The following PSD2 variants were observed in gnomAD, a reference collection of about 807,000 sequenced individuals.
The protein encoded by PSD2 is pleckstrin and Sec7 domain containing 2, also known as PH and SEC7 domain-containing protein 2.
PSD2 carries 38 observed loss-of-function variants against 69.8 expected under a neutral mutation model. That is an observed-to-expected ratio of 0.54 (90% CI 0.42 to 0.71). The LOEUF is 0.71. PSD2 is among the 30% of genes least tolerant of loss of function. The pLI, the probability that PSD2 is intolerant of heterozygous loss-of-function variation, is 0.00. For missense variants in PSD2, 943 were observed against 1,014.5 expected (o/e 0.93, Z 0.96); for synonymous variants, 412 against 423.0 (o/e 0.97, Z 0.32).
intron 1 of PSD2, among the ~76,000 whole-genome samples, chr5:139,807,918 T>C (rs1759853168): frequency 6.6e-6 from 1 of 152,100 alleles, no homozygotes; most frequent in African/African-American, 2.4e-5. Flanking sequence ...GTTCGGGAGG[T>C]CTGGGGTAGG....
At chr5:139,811,194 G>A (rs1026785143) in intron 2 of PSD2, among the ~76,000 whole-genome samples, 6 of 152,164 alleles carry the variant, frequency 3.9e-5, no homozygotes, top group African/African-American at 1.4e-4. Context: ...GGCATTCTGT[G>A]CCTTTTAGAT....
upstream of PSD2, among the ~76,000 whole-genome samples, chr5:139,791,015 C>T (rs1310704713): frequency 6.6e-6 from 1 of 152,032 alleles, no homozygotes; most frequent in Non-Finnish European, 1.5e-5. Context: ...TGCACCATTG[C>T]ACTACAGCCT....
At chr5:139,821,309 A>T (rs900712271) in intron 5 of PSD2, among the ~76,000 whole-genome samples, 6 of 152,118 alleles carry the variant, frequency 3.9e-5, no homozygotes, top group African/African-American at 1.4e-4. Flanking sequence ...AGCAGGGAGG[A>T]GGATTGGGTG....
the PSD2 span, among the ~76,000 whole-genome samples, chr5:139,753,704 A>T: frequency 1.3e-5 from 2 of 152,130 alleles, no homozygotes; most frequent in South Asian, 4.1e-4. Flanking sequence ...CAAGCCCTAG[A>T]GACTGATCCC....
At chr5:139,804,047 G>A (rs145880136) in intron 1 of PSD2, among the ~76,000 whole-genome samples, 206 of 152,320 alleles carry the variant, frequency 1.4e-3, no homozygotes, top group Middle Eastern at 0.01. Flanking sequence ...GCCCCATTGC[G>A]GTGTGGGCAT....
intron 12 of PSD2, among the ~76,000 whole-genome samples, chr5:139,838,136 C>G (rs1760782404): frequency 6.6e-6 from 1 of 152,214 alleles, no homozygotes; most frequent in Non-Finnish European, 1.5e-5. Context: ...GATGCACCCT[C>G]CAGGTAACCT....
upstream of PSD2, among the ~76,000 whole-genome samples, chr5:139,791,059 T>C (rs1310241237): frequency 1.3e-5 from 2 of 148,526 alleles, no homozygotes; most frequent in African/African-American, 5.0e-5. Context: ...CTCAAAAAAA[T>C]AAAAAAAGAA....
chr5:139,801,553 A>G (rs1759674916), intron 1 of PSD2, among the ~76,000 whole-genome samples: 1 of 151,708 alleles, frequency 6.6e-6, no homozygotes, highest in Non-Finnish European at 1.5e-5. Flanking sequence ...ACCTCTTGAT[A>G]TCAGGGTGCC....
intron 7 of PSD2, among the ~76,000 whole-genome samples, chr5:139,826,926 T>C (rs1440891501): frequency 6.6e-6 from 1 of 152,154 alleles, no homozygotes; most frequent in African/African-American, 2.4e-5. Context: ...AGTGTCTTCT[T>C]AGGAGCTGGA....
intron 5 of PSD2, 54 bp from the exon 6 acceptor site, chr5:139,821,839 C>T: frequency 2.7e-6 from 3 of 1,099,284 alleles, no homozygotes; most frequent in Non-Finnish European, 2.7e-6. Context: ...GGGGGGTGGT[C>T]TTACCCTGGG....
At position 139,842,261 on chromosome 5, in the gene PSD2, C is replaced by G. The variant is rs766099386; in HGVS notation, c.2113-10C>G. The G allele has an allele frequency of 3.7e-6, 6 of 1,612,306 alleles. No homozygotes were observed. Among genetic ancestry groups the G allele is most frequent in the Non-Finnish European group, 1.7e-6 (2 of 1,178,596 alleles). On this transcript the variant is annotated splice_polypyrimidine_tract_variant and intron_variant, in intron 14 of 14. Transcript: ENST00000274710. ...GTTGTCTTTTGACCTTGTGTTTGGCCTTTCCCCAGAAAAGCCGTTATGAGA... is the reference window on the plus strand; with the variant it reads ...GTTGTCTTTTGACCTTGTGTTTGGCGTTTCCCCAGAAAAGCCGTTATGAGA...
chr5:139,779,605 A>T, the PSD2 span, among the ~76,000 whole-genome samples: 1 of 152,206 alleles, frequency 6.6e-6, no homozygotes, highest in East Asian at 1.9e-4. Context: ...TATACCATTT[A>T]TTGAGTTTTA....
chr5:139,815,611 T>G (rs940426315), intron 4 of PSD2, among the ~76,000 whole-genome samples: 1 of 152,176 alleles, frequency 6.6e-6, no homozygotes, highest in Non-Finnish European at 1.5e-5. Flanking sequence ...TTGAATCTGG[T>G]GGTTGCTCCC....
the PSD2 span, among the ~76,000 whole-genome samples, chr5:139,785,487 G>T: frequency 6.6e-6 from 1 of 152,218 alleles, no homozygotes; most frequent in African/African-American, 2.4e-5. Context: ...GCATCCCAAA[G>T]TGCTGGGATT....
chr5:139,835,198 G>T (rs112518127), intron 8 of PSD2, among the ~76,000 whole-genome samples: 3 of 149,128 alleles, frequency 2.0e-5, no homozygotes, highest in African/African-American at 7.5e-5. Flanking sequence ...CCAACACCCT[G>T]CCATTCATTT....
At chr5:139,832,861 G>A (rs955188481) in intron 7 of PSD2, among the ~76,000 whole-genome samples, 2 of 152,200 alleles carry the variant, frequency 1.3e-5, no homozygotes, top group African/African-American at 4.8e-5. Context: ...GGTTTGCAGG[G>A]TTTGAGCCCC....
Position 139,814,481 on chromosome 5 carries a change from G to A in PSD2, c.1016+117G>A, listed in dbSNP as rs1760068622. 1.1e-6 allele frequency: 1 copy of A among 875,848 alleles called. No homozygotes were observed. Among genetic ancestry groups the A allele is most frequent in the Non-Finnish European group, 1.7e-6 (1 of 602,240 alleles). The allele number at this position is 875,848 out of a possible 1,614,324, so 54.3% of individuals were successfully genotyped here. On this transcript the variant is annotated intron_variant, in intron 4 of 14. Coordinates refer to ENST00000274710, the MANE Select transcript of PSD2 (RefSeq NM_032289.4). This position sits in a 1 kb window ranked among gnomAD's most constrained non-coding sequence, Gnocchi z 4.4. ...AGGTGCTGGGGGGGCACTCCCAACA[G>A]TTCCCCAAGGACACCTCCTCCCGCC...
intron 2 of PSD2, among the ~76,000 whole-genome samples, chr5:139,810,295 A>G (rs1352054200): frequency 6.6e-6 from 1 of 152,190 alleles, no homozygotes; most frequent in African/African-American, 2.4e-5. Context: ...AGTCCTGCTT[A>G]CTGGAGTTAC....
intron 1 of PSD2, among the ~76,000 whole-genome samples, chr5:139,801,220 G>T (rs1272942304): frequency 1.4e-5 from 2 of 147,564 alleles, no homozygotes; most frequent in Non-Finnish European, 3.0e-5. Context: ...AAAAAAAAAA[G>T]ATCTCTCCTT....
Sources: gnomAD v4.1 joint callset for allele counts (sites outside exome capture counted in the v4.1 genomes callset) on GRCh38, gnomAD v4.1.1 for gene constraint, Gnocchi (gnomAD v3.1) non-coding constraint, MANE v1.5 for transcripts, NCBI Gene and HGNC (gene_info 2026-07-23, HGNC 2026-07-21) for gene names.